COX4I1: variants seen among roughly 807,000 people sequenced by gnomAD.
COX4I1 encodes the protein cytochrome c oxidase subunit 4I1.
Under a neutral mutation model 21.7 loss-of-function variants are expected in COX4I1, and 18 were observed. That is an observed-to-expected ratio of 0.83 (90% confidence interval 0.57 to 1.23). The LOEUF (loss-of-function observed/expected upper bound fraction) is 1.23, where lower values mean the gene tolerates loss of function less well. Ranked by LOEUF, COX4I1 falls within the 50% of genes most tolerant of loss-of-function variation. The probability of loss-of-function intolerance (pLI) is 0.00; values close to 1 mark genes in which losing one functional copy is unlikely to be tolerated. For synonymous variants in COX4I1, 100 were observed against 81.5 expected, an observed-to-expected ratio of 1.23 and a Z score of -1.23; for missense variants, 238 against 220.7, an observed-to-expected ratio of 1.08 and a Z score of -0.50.
rs966420452 is a variant in COX4I1 at position 85,801,131 on chromosome 16, C to T, written c.-1-74C>T. The T allele has an allele frequency of 5.3e-6, 7 of 1,327,674 alleles. No individual in the cohort carries two copies. The African/African-American group carries it at 7.3e-5, about 14-fold the overall frequency. 82.2% of individuals were successfully genotyped at this position (1,327,674 alleles called of 1,614,324 possible). On this transcript the variant is annotated intron_variant, in intron 1 of 4. Coordinates refer to ENST00000253452, the MANE Select transcript of COX4I1 (RefSeq NM_001861.6). ...GCAAACAAAAAAATTCCAAAATGCT[C>T]TGGGGCAAAAAGAAGACTAATTCCT...
rs1270067945 is a variant in COX4I1 at position 85,802,034 on chromosome 16, G to A, written c.73+756G>A. 3.3e-5 allele frequency among the ~76,000 whole-genome samples: 5 copies of A among 152,020 alleles called. 1 individual carries two copies. On this transcript the variant is annotated intron_variant, in intron 2 of 4. Transcript: ENST00000253452. ...GGAAACTCTCCAGGGTCTTTTCATT[G>A]CCTTAGTAGAGTCTACACCCTGCCT... is the stretch of plus-strand genomic sequence containing the variant.
chr16:85,806,728 C>T lies in COX4I1; in HGVS notation c.374-10C>T, dbSNP rs1006846882. The T allele has an allele frequency of 1.2e-6, 2 of 1,613,904 alleles. No homozygotes were observed. The highest frequency in any genetic ancestry group is 2.7e-5 in the African/African-American group (2 of 74,892). ...GATAGTCTTGCCCCATAACCTGTCT[C>T]ACACCGTAGTGTACGGCCCCCTCCC... On this transcript the variant is annotated splice_polypyrimidine_tract_variant and intron_variant, in intron 4 of 4. Coordinates refer to ENST00000253452, the MANE Select transcript of COX4I1 (RefSeq NM_001861.6).
chr16:85,801,846 A>G (rs1905789369), intron 2 of COX4I1, among the ~76,000 whole-genome samples: 2 of 152,128 alleles, frequency 1.3e-5, no homozygotes, highest in African/African-American at 4.8e-5. Flanking sequence ...TGTACCAGAC[A>G]CTGTTAGGCA....
Position 85,806,888 on chromosome 16 carries a change from G to C in COX4I1, c.*14G>C. On this transcript the variant is annotated 3_prime_UTR_variant, in exon 5 of 5. Transcript: ENST00000253452. Reference sequence around the variant, plus strand: ...TGGAAGAAGTGAGAGATGCTGGCCTGCGCCTGCACCTGCGCCTGGCTCTGT... The same window carrying C: ...TGGAAGAAGTGAGAGATGCTGGCCTCCGCCTGCACCTGCGCCTGGCTCTGT... 1 of 1,607,404 alleles carries C rather than the reference G, an allele frequency of 6.2e-7. No individual in the cohort carries two copies. The highest frequency in any genetic ancestry group is 8.5e-7 in the Non-Finnish European group (1 of 1,175,950).
intron 2 of COX4I1, chr16:85,803,019 A>T (rs1225353448): frequency 6.6e-6 from 1 of 152,212 alleles, no homozygotes; most frequent in South Asian, 2.1e-4. Context: ...AGTGGTTTTT[A>T]GTATATTCAT....
chr16:85,806,110 T>G (rs1191671545), intron 4 of COX4I1: 2 of 600,282 alleles, frequency 3.3e-6, no homozygotes, highest in South Asian at 4.1e-5. Context: ...CCTTAACTAC[T>G]TTGTACAGCA....
rs1165361356 is a variant in COX4I1, at chr16:85,806,776, G to A, written c.412G>A (p.Val138Met). The change falls in exon 5 of 5, where the codon GTG becomes ATG. Residue 138 changes from valine to methionine, a missense_variant. Physicochemically the swap from Val to Met is conservative, Grantham distance 21 (BLOSUM62 1). Transcript: ENST00000253452. ...CCCGCAAAGCTTTGACAAAGAGTGG[G>A]TGGCCAAGCAGACCAAGAGGATGCT... is the stretch of plus-strand genomic sequence containing the variant. ...PLPQSFDKEWVAKQTKRMLDM... is the reference protein window; with the variant it reads ...PLPQSFDKEWMAKQTKRMLDM... 2 of 1,614,208 alleles carry A rather than the reference G, an allele frequency of 1.2e-6. No individual in the cohort carries two copies. Among genetic ancestry groups the A allele is most frequent in the Non-Finnish European group, 1.7e-6 (2 of 1,180,040 alleles).
intron 2 of COX4I1, 82 bp downstream of exon 2, chr16:85,801,360 T>G: frequency 8.0e-7 from 1 of 1,242,558 alleles, no homozygotes; most frequent in Non-Finnish European, 1.2e-6. Context: ...TGTGCTGGAG[T>G]TTTAAAGACC....
chr16:85,806,906 G>A lies in COX4I1; in HGVS notation c.*32G>A, dbSNP rs1424445413. Reference sequence around the variant, plus strand: ...CTGGCCTGCGCCTGCACCTGCGCCTGGCTCTGTCACCGCCATGCAACTCCA... The same window carrying A: ...CTGGCCTGCGCCTGCACCTGCGCCTAGCTCTGTCACCGCCATGCAACTCCA... On this transcript the variant is annotated 3_prime_UTR_variant, in exon 5 of 5. Coordinates refer to ENST00000253452, the MANE Select transcript of COX4I1 (RefSeq NM_001861.6). 6.3e-7 allele frequency: 1 copy of A among 1,596,550 alleles called. No individual in the cohort carries two copies. Among genetic ancestry groups the A allele is most frequent in the Non-Finnish European group, 8.5e-7 (1 of 1,170,194 alleles).
At chr16:85,804,726 C>A (rs1485908454) in intron 2 of COX4I1, 3 of 474,046 alleles carry the variant, frequency 6.3e-6, no homozygotes, top group Non-Finnish European at 1.1e-5. Flanking sequence ...TAGCAGTTGC[C>A]CCTGGTGGGT....
At chr16:85,802,709 C>T (rs1905867131) in intron 2 of COX4I1, among the ~76,000 whole-genome samples, 1 of 152,222 alleles carries the variant, frequency 6.6e-6, no homozygotes, top group South Asian at 2.1e-4. Flanking sequence ...CGGTGACAAA[C>T]ATTCCTTACA....
At chr16:85,806,492 A>C (rs769759027) in intron 4 of COX4I1, 1 of 708,830 alleles carries the variant, frequency 1.4e-6, no homozygotes, top group Admixed American at 2.0e-5. Flanking sequence ...CCTGTTATCC[A>C]TAGCCTTTAG....
At chr16:85,804,456 A>G (rs1906008095) in intron 2 of COX4I1, 1 of 153,648 alleles carries the variant, frequency 6.5e-6, no homozygotes, top group East Asian at 1.9e-4. Flanking sequence ...TCCTGCGTTC[A>G]AGCGATTCTC....
At chr16:85,802,500 T>G (rs1257547781) in intron 2 of COX4I1, among the ~76,000 whole-genome samples, 1 of 151,948 alleles carries the variant, frequency 6.6e-6, no homozygotes, top group African/African-American at 2.4e-5. Flanking sequence ...TCTTCTCTGT[T>G]AAGTTATAAC....
intron 2 of COX4I1, 38 bp from the exon 3 acceptor site, chr16:85,804,896 CTTA>C: frequency 6.4e-7 from 1 of 1,563,088 alleles, no homozygotes; most frequent in Non-Finnish European, 8.7e-7. Context: ...TGACTCTCAA[CTTA>C]CATGGATTTT....
At chr16:85,804,101 T>G (rs1597217519) in intron 2 of COX4I1, 1 of 152,394 alleles carries the variant, frequency 6.6e-6, no homozygotes, top group South Asian at 2.1e-4. Context: ...AATGAATGGC[T>G]CCATGATCCT....
chr16:85,806,955 A>G lies in COX4I1; in HGVS notation c.*81A>G. 6.7e-7 allele frequency: 1 copy of G among 1,481,596 alleles called. No individual in the cohort carries two copies. Among genetic ancestry groups the G allele is most frequent in the Non-Finnish European group, 9.2e-7 (1 of 1,086,922 alleles). 91.8% of individuals were successfully genotyped at this position (1,481,596 alleles called of 1,614,324 possible). A position where few individuals can be genotyped will look rare whatever the true frequency, so the allele number is the denominator to read the frequency against. ...CATGCCTATTTACTGGAAACCTGTTATGCCAAACAGTTGTACCACTGCTAA... is the reference window on the plus strand; with the variant it reads ...CATGCCTATTTACTGGAAACCTGTTGTGCCAAACAGTTGTACCACTGCTAA... On this transcript the variant is annotated 3_prime_UTR_variant, in exon 5 of 5. Transcript: ENST00000253452.
intron 1 of COX4I1, chr16:85,800,031 G>C (rs1233924719): frequency 6.6e-6 from 1 of 152,310 alleles, no homozygotes; most frequent in African/African-American, 2.4e-5. Context: ...CGCTGGCCGA[G>C]GGCTCAGGCT....
Position 85,805,843 on chromosome 16 carries a change from A to G in COX4I1, c.352A>G (p.Ile118Val). Reference protein sequence around the residue: ...MFFIGFTALVIMWQKHYVYGP... With the variant: ...MFFIGFTALVVMWQKHYVYGP... ...CTTCATCGGTTTCACCGCGCTCGTT[A>G]TCATGTGGCAGAAGCACTATGGTGA... Residue 118 changes from isoleucine to valine, a missense_variant, in exon 4 of 5, where the codon ATC becomes GTC. Ile to Val is a conservative substitution (Grantham distance 29). Transcript: ENST00000253452. The G allele has an allele frequency of 5.6e-6, 9 of 1,614,222 alleles. No homozygotes were observed. The highest frequency in any genetic ancestry group is 7.6e-6 in the Non-Finnish European group (9 of 1,180,044).
Sources: gnomAD v4.1 joint callset for allele counts (sites outside exome capture counted in the v4.1 genomes callset) on GRCh38, gnomAD v4.1.1 for gene constraint, MANE v1.5 for transcripts, NCBI Gene and HGNC (gene_info 2026-07-23, HGNC 2026-07-21) for gene names.